C5AR2: variants seen among roughly 807,000 people sequenced by gnomAD.
The protein encoded by C5AR2 is C5a anaphylatoxin chemotactic receptor 2.
For missense variants in C5AR2, 458 were observed against 467.5 expected (o/e 0.98, Z 0.19); for synonymous variants, 224 against 216.5 (o/e 1.03, Z -0.30).
In C5AR2 at chr19:47,341,061, C is replaced by A; in HGVS notation, c.262C>A (p.Pro88Thr). Residue 88 changes from proline to threonine, a missense_variant, in exon 2 of 2, where the codon CCC (proline) becomes ACC (threonine). Transcript: ENST00000595464. The surrounding 1 kb of genome is among the most constrained non-coding windows in gnomAD (Gnocchi z 4.6). ...GGATTTGCTGTGCTGTTTGTCTCTG[C>A]CCATCCTGGCAGTGCCCATTGCCCG... ...VADLLCCLSL[P>T]ILAVPIARGG... 1.2e-6 allele frequency: 2 copies of A among 1,606,168 alleles called. No homozygotes were observed. The highest frequency in any genetic ancestry group is 1.7e-6 in the Non-Finnish European group (2 of 1,179,920).
At chr19:47,333,573 T>C (rs1167867251) in intron 1 of C5AR2, among the ~76,000 whole-genome samples, 2 of 150,748 alleles carry the variant, frequency 1.3e-5, no homozygotes, top group Non-Finnish European at 2.9e-5. Flanking sequence ...GAATAAAGAA[T>C]GTTCAGACTC....
rs1163372230 is a variant in C5AR2 at position 47,341,220 on chromosome 19, T to C, written c.421T>C (p.Trp141Arg). Reference sequence around the variant, plus strand: ...CTGCTTCCTGGCTCTCGGGCCTGCCTGGTGGTCTACGGTTCAGCGGGCGTG... The same window carrying C: ...CTGCTTCCTGGCTCTCGGGCCTGCCCGGTGGTCTACGGTTCAGCGGGCGTG... ...DLCFLALGPA[W>R]WSTVQRACGV... Residue 141 changes from tryptophan to arginine, a missense_variant, in exon 2 of 2, where the codon TGG becomes CGG. Coordinates refer to ENST00000595464, the MANE Select transcript of C5AR2 (RefSeq NM_001271749.2). The surrounding 1 kb of genome is among the most constrained non-coding windows in gnomAD (Gnocchi z 4.6). The C allele has an allele frequency of 1.9e-6, 3 of 1,601,674 alleles. No homozygotes were observed. Among genetic ancestry groups the C allele is most frequent in the Non-Finnish European group, 2.5e-6 (3 of 1,179,870 alleles).
rs1010600152 is a variant in C5AR2 at position 47,343,946 on chromosome 19, T to C, written c.*2133T>C. 9 of 152,310 alleles carry C rather than the reference T, an allele frequency of 5.9e-5. No individual in the cohort carries two copies. Among genetic ancestry groups the C allele is most frequent in the Admixed American group, 3.9e-4 (6 of 15,278 alleles). The allele number at this position is 152,310 out of a possible 1,614,324, so 9.4% of individuals were successfully genotyped here. ...CCACATATGGCTGGTGACTGCCATA[T>C]TCGACAGCACAGCTATAGAACATTG... On this transcript the variant is annotated 3_prime_UTR_variant, in exon 2 of 2. Transcript: ENST00000595464.
intron 1 of C5AR2, among the ~76,000 whole-genome samples, chr19:47,339,319 GT>G (rs1029773599): frequency 5.9e-5 from 9 of 151,362 alleles, no homozygotes; most frequent in Middle Eastern, 3.4e-3. Context: ...GTTTTGTTTT[GT>G]TTTTTTCTTT....
In C5AR2 at chr19:47,345,534, T is replaced by G. The variant is rs1302611391; in HGVS notation, c.*3721T>G. ...CGTGTGCCACCAAACCCAGCTAATG[T>G]TTTTTTTTTTTTATTTTTAGTAGAG... is the stretch of plus-strand genomic sequence containing the variant. On this transcript the variant is annotated 3_prime_UTR_variant, in exon 2 of 2. Coordinates refer to ENST00000595464, the MANE Select transcript of C5AR2 (RefSeq NM_001271749.2). The G allele has an allele frequency of 7.3e-6, 1 of 136,344 alleles. No individual in the cohort carries two copies. 8.4% of individuals were successfully genotyped at this position (136,344 alleles called of 1,614,324 possible). A position where few individuals can be genotyped will look rare whatever the true frequency, so the allele number is the denominator to read the frequency against.
intron 1 of C5AR2, among the ~76,000 whole-genome samples, chr19:47,333,967 T>C (rs7254700): frequency 0.99 from 150,554 of 152,240 alleles, 74,458 homozygotes; most frequent in East Asian, 1. Flanking sequence ...AAGAGGCACA[T>C]GTGAGGGTGC....
Position 47,340,955 on chromosome 19 carries a change from C to A in C5AR2, c.156C>A (p.Gly52=), listed in dbSNP as rs1351988661. The A allele has an allele frequency of 6.2e-7, 1 of 1,611,752 alleles. No individual in the cohort carries two copies. Among genetic ancestry groups the A allele is most frequent in the African/African-American group, 1.3e-5 (1 of 75,060 alleles). Reference sequence around the variant, plus strand: ...CCATCTTCCTGGTGGGGGTGCCGGGCAATGCCATGGTGGCCTGGGTGGCTG... The same window carrying A: ...CCATCTTCCTGGTGGGGGTGCCGGGAAATGCCATGGTGGCCTGGGTGGCTG... The part of the protein sequence containing the change: ...YAAIFLVGVP[G]NAMVAWVAGK... The change falls in exon 2 of 2, where the codon GGC becomes GGA. Residue 52 remains glycine (G), a synonymous_variant. Transcript: ENST00000595464.
intron 1 of C5AR2, among the ~76,000 whole-genome samples, chr19:47,335,597 C>T (rs2059354156): frequency 6.6e-6 from 1 of 150,742 alleles, no homozygotes; most frequent in South Asian, 2.1e-4. Flanking sequence ...ACGGTGAAAC[C>T]CTGTCTCTAC....
Position 47,341,926 on chromosome 19 carries a change from C to A in C5AR2, c.*113C>A. 9.7e-7 allele frequency: 1 copy of A among 1,032,404 alleles called. No individual in the cohort carries two copies. Among genetic ancestry groups the A allele is most frequent in the Non-Finnish European group, 1.4e-6 (1 of 699,630 alleles). The allele number at this position is 1,032,404 out of a possible 1,614,324, so 64.0% of individuals were successfully genotyped here. A position where few individuals can be genotyped will look rare whatever the true frequency, so the allele number is the denominator to read the frequency against. ...TCTTCATTTTATTCCTTCCTTCATT[C>A]AACAGATATCCATCATGCACTTGCT... is the stretch of plus-strand genomic sequence containing the variant. On this transcript the variant is annotated 3_prime_UTR_variant, in exon 2 of 2. Coordinates refer to ENST00000595464, the MANE Select transcript of C5AR2 (RefSeq NM_001271749.2). This position sits in a 1 kb window ranked among gnomAD's most constrained non-coding sequence, Gnocchi z 4.6.
chr19:47,341,879 T>A lies in C5AR2; in HGVS notation c.*66T>A. The A allele has an allele frequency of 7.0e-7, 1 of 1,436,228 alleles. No homozygotes were observed. Among genetic ancestry groups the A allele is most frequent in the Non-Finnish European group, 9.7e-7 (1 of 1,035,544 alleles). The allele number at this position is 1,436,228 out of a possible 1,614,324, so 89.0% of individuals were successfully genotyped here. On this transcript the variant is annotated 3_prime_UTR_variant, in exon 2 of 2. Coordinates refer to ENST00000595464, the MANE Select transcript of C5AR2 (RefSeq NM_001271749.2). This position sits in a 1 kb window ranked among gnomAD's most constrained non-coding sequence, Gnocchi z 4.6. ...TCACAAGACTGGCTTCAGGCATAGC[T>A]GGATCCAGGAGCTCAATGATGTCTT...
At chr19:47,336,212 C>T (rs2059357011) in intron 1 of C5AR2, among the ~76,000 whole-genome samples, 2 of 151,482 alleles carry the variant, frequency 1.3e-5, no homozygotes, top group South Asian at 4.2e-4. Context: ...GCCTCAGTCT[C>T]CCGAGTAGCT....
rs2059366755 is a variant in C5AR2, at chr19:47,338,289, A to G, written c.-15-2496A>G. Among the ~76,000 whole-genome samples, 12 of 148,502 alleles carry G rather than the reference A, an allele frequency of 8.1e-5. No individual in the cohort carries two copies. In the South Asian group the frequency reaches 2.6e-3, roughly 32 times the overall value. On this transcript the variant is annotated intron_variant, in intron 1 of 1. Coordinates refer to ENST00000595464, the MANE Select transcript of C5AR2 (RefSeq NM_001271749.2). ...GACCCTGTCTCTAAAAAAAATATAT[A>G]TATATAAATTTGCCAGGTGTGGTGG... is the stretch of plus-strand genomic sequence containing the variant.
chr19:47,333,876 G>A (rs1043137275), intron 1 of C5AR2, among the ~76,000 whole-genome samples: 13 of 152,072 alleles, frequency 8.5e-5, no homozygotes, highest in Admixed American at 2.6e-4. Flanking sequence ...CACTGCGCCC[G>A]GCCAGCCTTC....
At position 47,341,211 on chromosome 19, in the gene C5AR2, G is replaced by A. The variant is rs147418161; in HGVS notation, c.412G>A (p.Gly138Arg). ...LSADLCFLALGPAWWSTVQRA... is the reference protein window; with the variant it reads ...LSADLCFLALRPAWWSTVQRA... ...TGCCGACCTCTGCTTCCTGGCTCTC[G>A]GGCCTGCCTGGTGGTCTACGGTTCA... The change falls in exon 2 of 2, where the codon GGG becomes AGG. Residue 138 changes from glycine to arginine, a missense_variant. Transcript: ENST00000595464. This position sits in a 1 kb window ranked among gnomAD's most constrained non-coding sequence, Gnocchi z 4.6. 6 of 1,601,104 alleles carry A rather than the reference G, an allele frequency of 3.7e-6. No individual in the cohort carries two copies. Among genetic ancestry groups the A allele is most frequent in the African/African-American group, 1.3e-5 (1 of 74,902 alleles).
In C5AR2 at chr19:47,333,036, ACT is replaced by A. The variant is rs915382471; in HGVS notation, c.-16+690_-16+691del. Among the ~76,000 whole-genome samples, 5 of 147,530 alleles carry A rather than the reference ACT, an allele frequency of 3.4e-5. No individual in the cohort carries two copies. In the Admixed American group the frequency reaches 3.4e-4, roughly 10 times the overall value. ...TCTTTCTTTCTTTTGACAGGGTCTC[ACT>A]CTGTCTCCCAGGCTGGAGTGCAGTG... On this transcript the variant is annotated intron_variant, in intron 1 of 1. Transcript: ENST00000595464.
At chr19:47,339,324 T>G (rs1048174269) in intron 1 of C5AR2, among the ~76,000 whole-genome samples, 14 of 152,016 alleles carry the variant, frequency 9.2e-5, no homozygotes, top group Non-Finnish European at 4.4e-5. Flanking sequence ...GTTTTGTTTT[T>G]TTCTTTTTTT....
At chr19:47,339,987 G>C (rs1478557066) in intron 1 of C5AR2, among the ~76,000 whole-genome samples, 1 of 151,584 alleles carries the variant, frequency 6.6e-6, no homozygotes, top group Non-Finnish European at 1.5e-5. Context: ...TTTTGAGACA[G>C]AGTCTCTCTC....
Position 47,341,464 on chromosome 19 carries a change from C to T in C5AR2, c.665C>T (p.Ala222Val), listed in dbSNP as rs751651636. Reference protein sequence around the residue: ...PLVAVASCHSALLCWAARRCR... With the variant: ...PLVAVASCHSVLLCWAARRCR... ...GTGGCCGTGGCCAGCTGCCACAGTGCCCTCCTGTGCTGGGCAGCCCGACGC... is the reference window on the plus strand; with the variant it reads ...GTGGCCGTGGCCAGCTGCCACAGTGTCCTCCTGTGCTGGGCAGCCCGACGC... Residue 222 changes from alanine (A) to valine (V), a missense_variant, in exon 2 of 2, where the codon GCC becomes GTC. Coordinates refer to ENST00000595464, the MANE Select transcript of C5AR2 (RefSeq NM_001271749.2). The surrounding 1 kb of genome is among the most constrained non-coding windows in gnomAD (Gnocchi z 4.6). The T allele has an allele frequency of 4.3e-6, 7 of 1,611,818 alleles. No individual in the cohort carries two copies. Among genetic ancestry groups the T allele is most frequent in the Non-Finnish European group, 5.9e-6 (7 of 1,179,906 alleles).
chr19:47,343,008 G>T lies in C5AR2; in HGVS notation c.*1195G>T, dbSNP rs1489649309. The T allele has an allele frequency of 6.6e-6, 1 of 152,148 alleles. No homozygotes were observed. Among genetic ancestry groups the T allele is most frequent in the African/African-American group, 2.4e-5 (1 of 41,430 alleles). The allele number at this position is 152,148 out of a possible 1,614,324, so 9.4% of individuals were successfully genotyped here. A position where few individuals can be genotyped will look rare whatever the true frequency, so the allele number is the denominator to read the frequency against. On this transcript the variant is annotated 3_prime_UTR_variant, in exon 2 of 2. Coordinates refer to ENST00000595464, the MANE Select transcript of C5AR2 (RefSeq NM_001271749.2). ...CTTAATCCCCTGAACCTGTGAAGAG[G>T]TGACCTTCCATGGCAAAAGGGACTT...
Sources: allele counts gnomAD v4.1 joint callset (sites outside exome capture counted in the v4.1 genomes callset), GRCh38; gene constraint gnomAD v4.1.1; non-coding constraint Gnocchi (gnomAD v3.1); transcripts MANE v1.5; gene names NCBI Gene and HGNC (gene_info 2026-07-23, HGNC 2026-07-21).